Variants in CLNK observed in about 807,000 individuals in gnomAD.
CLNK encodes cytokine dependent hematopoietic cell linker.
In CLNK, 74 loss-of-function variants were observed where a neutral mutation model predicts 68.6. The observed-to-expected ratio is 1.08, with a 90% CI of 0.89 to 1.31. The LOEUF (loss-of-function observed/expected upper bound fraction) is 1.31, where lower values mean the gene tolerates loss of function less well. Among genes scored for constraint, CLNK ranks in the 50% most tolerant of loss-of-function variants. The pLI, the probability that CLNK is intolerant of heterozygous loss-of-function variation, is 0.00. For synonymous variants in CLNK, 198 were observed against 172.2 expected, an observed-to-expected ratio of 1.15 and a Z score of -1.17; for missense variants, 553 against 515.3, an observed-to-expected ratio of 1.07 and a Z score of -0.71.
chr4:10,650,350 CAG>C (rs1422195648), intron 2 of CLNK, among the ~76,000 whole-genome samples: 1 of 151,932 alleles, frequency 6.6e-6, no homozygotes, highest in African/African-American at 2.4e-5. Context: ...GAGATAATGA[CAG>C]AGTACTGAGA....
chr4:10,630,083 A>T lies in CLNK; in HGVS notation c.12-32034T>A, dbSNP rs982375475. 1.1e-4 allele frequency among the ~76,000 whole-genome samples: 17 copies of T among 152,192 alleles called. 1 individual carries two copies. Among genetic ancestry groups the T allele is most frequent in the Admixed American group, 1.0e-3 (16 of 15,274 alleles). On this transcript the variant is annotated intron_variant, in intron 2 of 18. Coordinates refer to ENST00000226951, the MANE Select transcript of CLNK (RefSeq NM_052964.4). ...AAGACTAAGAATAATGAAGGGATATAACAGAGGATAGCCTCACTATGCTCC... is the reference window on the plus strand; with the variant it reads ...AAGACTAAGAATAATGAAGGGATATTACAGAGGATAGCCTCACTATGCTCC...
chr4:10,566,222 C>T lies in CLNK; in HGVS notation c.151-72G>A. On this transcript the variant is annotated intron_variant, in intron 5 of 18. Transcript: ENST00000226951. ...TGACAAAGACAGGCTACAGTGCTGG[C>T]TAGAGAAATGGGGTAGACCTTCTTA... 2.7e-6 allele frequency: 4 copies of T among 1,481,682 alleles called. No individual in the cohort carries two copies. In the South Asian group the frequency reaches 3.8e-5, roughly 14 times the overall value. 91.8% of individuals were successfully genotyped at this position (1,481,682 alleles called of 1,614,324 possible). A position where few individuals can be genotyped will look rare whatever the true frequency, so the allele number is the denominator to read the frequency against.
At chr4:10,554,447 C>T (rs1719584043) in intron 8 of CLNK, among the ~76,000 whole-genome samples, 1 of 152,152 alleles carries the variant, frequency 6.6e-6, no homozygotes, top group South Asian at 2.1e-4. Flanking sequence ...TTGTTTCTGG[C>T]TACTTCATAT....
chr4:10,591,162 G>T (rs1291103109), intron 3 of CLNK, among the ~76,000 whole-genome samples: 42 of 152,290 alleles, frequency 2.8e-4, no homozygotes, highest in Admixed American at 2.7e-3. Flanking sequence ...TCGTGTGGAG[G>T]TTTGCAAGAG....
intron 2 of CLNK, among the ~76,000 whole-genome samples, chr4:10,631,691 AGAG>A (rs748259327): frequency 9.9e-5 from 15 of 152,252 alleles, no homozygotes; most frequent in Non-Finnish European, 1.6e-4. Context: ...ACCAAGATAT[AGAG>A]GAGAGAAAGG....
chr4:10,647,093 G>A (rs1388641720), intron 2 of CLNK, among the ~76,000 whole-genome samples: 1 of 152,092 alleles, frequency 6.6e-6, no homozygotes, highest in Non-Finnish European at 1.5e-5. Context: ...ATATACTCAG[G>A]GATAGGGGCT....
In CLNK at chr4:10,566,078, G is replaced by T; in HGVS notation, c.223C>A (p.Arg75=). ...ATCGACTGCCATGTCTCTTCCATCCGAAGCTCAGGGTCATCATAGTCATCA... is the reference window on the plus strand; with the variant it reads ...ATCGACTGCCATGTCTCTTCCATCCTAAGCTCAGGGTCATCATAGTCATCA... ...SDDDYDDPEL[R]MEETWQSIKI... The change falls in exon 6 of 19, where the codon CGG becomes AGG. Residue 75 remains arginine (R), a synonymous_variant. Transcript: ENST00000226951. 1 of 1,613,884 alleles carries T rather than the reference G, an allele frequency of 6.2e-7. No homozygotes were observed. The highest frequency in any genetic ancestry group is 8.5e-7 in the Non-Finnish European group (1 of 1,179,838).
chr4:10,554,315 G>A (rs763443176), intron 8 of CLNK, among the ~76,000 whole-genome samples: 15 of 152,200 alleles, frequency 9.9e-5, no homozygotes, highest in Admixed American at 1.3e-4. Context: ...CTTTGCTTAT[G>A]TAAAAGGCAG....
At chr4:10,645,138 T>C (rs1186165541) in intron 2 of CLNK, among the ~76,000 whole-genome samples, 1 of 152,214 alleles carries the variant, frequency 6.6e-6, no homozygotes, top group African/African-American at 2.4e-5. Context: ...TTCCCTGATC[T>C]CCTTCCTCTC....
At chr4:10,686,942 A>G (rs1159638870), upstream of CLNK, among the ~76,000 whole-genome samples, 1 of 152,134 alleles carries the variant, frequency 6.6e-6, no homozygotes, top group Non-Finnish European at 1.5e-5. Flanking sequence ...TTTATTATCT[A>G]TTGAATATAT....
chr4:10,534,497 G>T (rs995544161), intron 11 of CLNK, among the ~76,000 whole-genome samples: 2 of 151,996 alleles, frequency 1.3e-5, no homozygotes, highest in Non-Finnish European at 2.9e-5. Flanking sequence ...TTTGATTCTT[G>T]CTCTGTCATC....
chr4:10,728,956 C>T, the CLNK span, among the ~76,000 whole-genome samples: 14 of 152,184 alleles, frequency 9.2e-5, no homozygotes, highest in African/African-American at 2.9e-4. Flanking sequence ...TATGTTTAAA[C>T]GTATCCAAGT....
At chr4:10,610,638 G>T (rs1721978226) in intron 2 of CLNK, among the ~76,000 whole-genome samples, 1 of 152,152 alleles carries the variant, frequency 6.6e-6, no homozygotes, top group East Asian at 1.9e-4. Context: ...ATCAATGTAT[G>T]TAATGAGCAA....
At chr4:10,504,098 C>T (rs1167103868) in intron 17 of CLNK, among the ~76,000 whole-genome samples, 1 of 138,724 alleles carries the variant, frequency 7.2e-6, no homozygotes, top group East Asian at 2.2e-4. Context: ...AGGGTCTTTA[C>T]ATAAACATCT....
intron 11 of CLNK, among the ~76,000 whole-genome samples, chr4:10,539,785 T>A (rs1387904793): frequency 1.3e-5 from 2 of 152,218 alleles, no homozygotes; most frequent in African/African-American, 4.8e-5. Flanking sequence ...CATGGTTATA[T>A]TTCTCCAGCC....
chr4:10,580,840 T>G (rs766902615), intron 4 of CLNK, among the ~76,000 whole-genome samples: 1 of 152,148 alleles, frequency 6.6e-6, no homozygotes, highest in Non-Finnish European at 1.5e-5. Flanking sequence ...AATTTATTAT[T>G]GAAGAAAAAA....
chr4:10,729,605 G>T, the CLNK span, among the ~76,000 whole-genome samples: 1 of 152,056 alleles, frequency 6.6e-6, no homozygotes, highest in Non-Finnish European at 1.5e-5. Context: ...CCATAACAAA[G>T]AATGAAATCA....
At chr4:10,536,303 G>A (rs1169923163) in intron 11 of CLNK, among the ~76,000 whole-genome samples, 1 of 152,216 alleles carries the variant, frequency 6.6e-6, no homozygotes, top group Non-Finnish European at 1.5e-5. Flanking sequence ...TGGTTCGGCT[G>A]CAGAAGCTCT....
intron 1 of CLNK, among the ~76,000 whole-genome samples, chr4:10,680,067 C>G (rs757142790): frequency 6.6e-6 from 1 of 152,020 alleles, no homozygotes; most frequent in Non-Finnish European, 1.5e-5. Flanking sequence ...CACATGCACA[C>G]GTATGTTTAT....
Sources: gnomAD v4.1 joint callset for allele counts (sites outside exome capture counted in the v4.1 genomes callset) on GRCh38, gnomAD v4.1.1 for gene constraint, MANE v1.5 for transcripts, NCBI Gene and HGNC (gene_info 2026-07-23, HGNC 2026-07-21) for gene names.